Variants in FRMD4A observed in about 807,000 individuals in gnomAD.
FRMD4A encodes the protein FERM domain containing 4A, also known as FERM domain-containing protein 4A.
FRMD4A carries 29 observed loss-of-function variants against 129.1 expected under a neutral mutation model. That is an observed-to-expected ratio of 0.22 (90% CI 0.17 to 0.31). The LOEUF is 0.31. Among genes scored for constraint, FRMD4A ranks in the 10% least tolerant of loss-of-function variants. FRMD4A has a pLI of 1.00. For synonymous variants in FRMD4A, 634 were observed against 571.6 expected (o/e 1.11, Z -1.56); for missense variants, 1,272 against 1,375.8 (o/e 0.92, Z 1.19).
chr10:13,910,872 C>A (rs1201669570), intron 2 of FRMD4A, among the ~76,000 whole-genome samples: 1 of 122,828 alleles, frequency 8.1e-6, no homozygotes, highest in South Asian at 2.7e-4. Flanking sequence ...TCCTGTTAAG[C>A]CTCTGGGAGT....
intron 3 of FRMD4A, 68 bp downstream of exon 3, chr10:13,858,779 G>T: frequency 1.1e-6 from 1 of 884,816 alleles, no homozygotes; most frequent in Non-Finnish European, 1.9e-6. Flanking sequence ...TTCATCCCCA[G>T]CTGGATCAAG....
intron 2 of FRMD4A, among the ~76,000 whole-genome samples, chr10:14,081,198 C>T (rs1183967684): frequency 2.0e-5 from 3 of 152,132 alleles, no homozygotes; most frequent in African/African-American, 7.2e-5. Flanking sequence ...TACTGAGTGG[C>T]GTTTCTGATA....
intron 2 of FRMD4A, chr10:14,007,533 A>G (rs1383973561): frequency 6.7e-6 from 1 of 150,046 alleles, no homozygotes; most frequent in African/African-American, 2.6e-5. Context: ...TTAAAAACAA[A>G]TAAACCCCAA....
chr10:14,319,952 G>C (rs1846911303), intron 2 of FRMD4A, among the ~76,000 whole-genome samples: 1 of 152,118 alleles, frequency 6.6e-6, no homozygotes, highest in Non-Finnish European at 1.5e-5. Flanking sequence ...AGGAGTCACA[G>C]AGTTGTCCCA....
At chr10:13,664,512 A>G (rs1294423951) in intron 18 of FRMD4A, among the ~76,000 whole-genome samples, 4 of 151,014 alleles carry the variant, frequency 2.6e-5, no homozygotes. Context: ...TTAACTAGAA[A>G]TTCACTTTAT....
At chr10:14,131,116 C>T (rs1839225758) in intron 2 of FRMD4A, among the ~76,000 whole-genome samples, 1 of 152,234 alleles carries the variant, frequency 6.6e-6, no homozygotes, top group African/African-American at 2.4e-5. Flanking sequence ...CGTAAGCTCC[C>T]AGTTGCAGCA....
intron 2 of FRMD4A, among the ~76,000 whole-genome samples, chr10:13,901,832 G>C (rs2094823208): frequency 6.6e-6 from 1 of 152,120 alleles, no homozygotes. Context: ...AGCGGGGACA[G>C]GGCAGGAAGC....
intron 2 of FRMD4A, among the ~76,000 whole-genome samples, chr10:14,089,471 T>C (rs1275371220): frequency 2.0e-5 from 3 of 152,112 alleles, no homozygotes; most frequent in Middle Eastern, 3.4e-3. Context: ...CGCAGCATGC[T>C]GGGCACAGGG....
At chr10:13,682,411 T>A (rs2084678307) in intron 15 of FRMD4A, among the ~76,000 whole-genome samples, 1 of 151,886 alleles carries the variant, frequency 6.6e-6, no homozygotes, top group Non-Finnish European at 1.5e-5. Context: ...AGGAAATGAG[T>A]TTTTAGAGAA....
intron 2 of FRMD4A, among the ~76,000 whole-genome samples, chr10:13,897,226 G>A (rs904804891): frequency 6.6e-6 from 1 of 152,222 alleles, no homozygotes; most frequent in African/African-American, 2.4e-5. Context: ...AAACATGGCA[G>A]CCGGGTTTAT....
chr10:13,873,376 G>C (rs2094458755), intron 2 of FRMD4A, among the ~76,000 whole-genome samples: 1 of 152,006 alleles, frequency 6.6e-6, no homozygotes, highest in African/African-American at 2.4e-5. Flanking sequence ...AATTAAATGA[G>C]GAAGTGAAGA....
intron 2 of FRMD4A, among the ~76,000 whole-genome samples, chr10:13,884,122 T>TCTCACACA: frequency 1.3e-5 from 1 of 78,264 alleles, no homozygotes; most frequent in African/African-American, 5.2e-5. Flanking sequence ...ACACACACAC[T>TCTCACACA]CACACACACG....
chr10:13,778,623 T>TTTG (rs2092661384), intron 6 of FRMD4A, among the ~76,000 whole-genome samples: 2 of 138,512 alleles, frequency 1.4e-5, no homozygotes, highest in Non-Finnish European at 3.1e-5. Flanking sequence ...GTGTGTGTGT[T>TTTG]TGTGTGTGTG....
At chr10:13,695,821 T>C (rs762933412) in intron 14 of FRMD4A, among the ~76,000 whole-genome samples, 7 of 152,222 alleles carry the variant, frequency 4.6e-5, no homozygotes, top group Non-Finnish European at 1.0e-4. Context: ...ATGCCCCGTG[T>C]ACAGCCTACC....
intron 2 of FRMD4A, among the ~76,000 whole-genome samples, chr10:14,211,220 C>T (rs1842926076): frequency 6.6e-6 from 1 of 152,096 alleles, no homozygotes; most frequent in East Asian, 1.9e-4. Flanking sequence ...ACTGTATTAG[C>T]TCTATTCTAA....
intron 2 of FRMD4A, among the ~76,000 whole-genome samples, chr10:13,968,694 T>A (rs551596635): frequency 6.6e-6 from 1 of 152,318 alleles, no homozygotes; most frequent in Non-Finnish European, 1.5e-5. Context: ...CCTCAGGTGA[T>A]CCACCCACCT....
rs369758135 is a variant in FRMD4A, at chr10:14,260,828, C to A, written c.45+69230G>T. Among the ~76,000 whole-genome samples the A allele has an allele frequency of 2.0e-5, 3 of 152,250 alleles. No homozygotes were observed. In the South Asian group the frequency reaches 6.2e-4, roughly 31 times the overall value. On this transcript the variant is annotated intron_variant, in intron 2 of 24. Transcript: ENST00000357447. ...ATAAAACATGAATATGGGTAAAAAC[C>A]TGGATGCTTCCCCAAGGACCAAAGC... is the stretch of plus-strand genomic sequence containing the variant.
chr10:14,185,576 CGTCTTGT>C (rs1842083906), intron 2 of FRMD4A, among the ~76,000 whole-genome samples: 1 of 151,956 alleles, frequency 6.6e-6, no homozygotes, highest in African/African-American at 2.4e-5. Context: ...GGTTCAATCT[CGTCTTGT>C]AAGAAAGAGA....
At chr10:14,236,793 G>C (rs781750466) in intron 2 of FRMD4A, among the ~76,000 whole-genome samples, 19 of 152,090 alleles carry the variant, frequency 1.2e-4, no homozygotes, top group Non-Finnish European at 1.0e-4. Flanking sequence ...CAAACATCCA[G>C]AACAGATGCT....
Sources: gnomAD v4.1 joint callset for allele counts (sites outside exome capture counted in the v4.1 genomes callset) on GRCh38, gnomAD v4.1.1 for gene constraint, MANE v1.5 for transcripts, NCBI Gene and HGNC (gene_info 2026-07-23, HGNC 2026-07-21) for gene names.